Variants in PAK3 observed in about 807,000 individuals in gnomAD.
PAK3 encodes the protein serine/threonine-protein kinase PAK 3.
Under a neutral mutation model 41.0 loss-of-function variants are expected in PAK3, and 4 were observed. The observed-to-expected ratio is 0.10, with a 90% confidence interval of 0.05 to 0.22. PAK3 has a LOEUF of 0.22. Ranked by LOEUF, PAK3 falls within the 10% of genes least tolerant of loss-of-function variation. The pLI is 1.00. For synonymous variants in PAK3, 146 were observed against 139.6 expected (o/e 1.05, Z -0.32); for missense variants, 205 against 409.9 (o/e 0.50, Z 4.32).
intron 1 of PAK3, among the ~76,000 whole-genome samples, chrX:110,966,939 G>T (rs1449656771): frequency 3.6e-5 from 4 of 112,298 alleles, no homozygotes; most frequent in African/African-American, 9.7e-5. Flanking sequence ...CTGCCCCCAA[G>T]AATGCCCTGT....
chrX:111,204,678 C>T (rs1371359361), intron 16 of PAK3, among the ~76,000 whole-genome samples: 2 of 111,067 alleles, frequency 1.8e-5, no homozygotes, highest in African/African-American at 6.5e-5. Flanking sequence ...AAACCCTTTG[C>T]ATTCTAATAA....
chrX:111,182,069 C>T (rs775778232), intron 11 of PAK3, among the ~76,000 whole-genome samples: 6 of 111,733 alleles, frequency 5.4e-5, no homozygotes, highest in Admixed American at 9.5e-5. Flanking sequence ...GATGATGCCA[C>T]TCAATCAAAC....
At chrX:111,056,668 C>A (rs953794475) in intron 1 of PAK3, among the ~76,000 whole-genome samples, 4 of 112,197 alleles carry the variant, frequency 3.6e-5, no homozygotes, top group African/African-American at 1.3e-4. Flanking sequence ...TCTTGAAGAT[C>A]TTGTCATATA....
At chrX:111,076,781 C>G (rs1307996449) in intron 1 of PAK3, among the ~76,000 whole-genome samples, 1 of 112,017 alleles carries the variant, frequency 8.9e-6, no homozygotes, top group African/African-American at 3.3e-5. Context: ...GATGTCCACT[C>G]TTGCCACTTC....
rs1165123722 is a variant in PAK3 at position 111,226,623 on chromosome X, A to G, written c.*6176A>G. The G allele has an allele frequency of 8.9e-6, 1 of 112,258 alleles. No individual in the cohort carries two copies. 9.3% of individuals were successfully genotyped at this position (112,258 alleles called of 1,213,427 possible). ...AATGTTGACAAATTAATTTGTTGGGAACCAAAGATAGCATTTCTGATGACA... is the reference window on the plus strand; with the variant it reads ...AATGTTGACAAATTAATTTGTTGGGGACCAAAGATAGCATTTCTGATGACA... On this transcript the variant is annotated 3_prime_UTR_variant, in exon 18 of 18. Coordinates refer to ENST00000372007, the MANE Select transcript of PAK3 (RefSeq NM_002578.5).
chrX:111,082,942 C>T lies in PAK3; in HGVS notation c.-27-40135C>T, dbSNP rs752142790. ...TGCTTCTTGACACACAATAGATGTT[C>T]GAAAATAAAAGGTTGTTCATTGCAT... On this transcript the variant is annotated intron_variant, in intron 1 of 14. Coordinates refer to the PAK3 transcript ENST00000425146. Among the ~76,000 whole-genome samples, 52 of 111,547 alleles carry T rather than the reference C, an allele frequency of 4.7e-4. 2 individuals are homozygous for T. The highest frequency in any genetic ancestry group is 2.0e-4 in the African/African-American group (6 of 30,700).
At chrX:111,025,335 G>A (rs996530577) in intron 1 of PAK3, among the ~76,000 whole-genome samples, 3 of 110,714 alleles carry the variant, frequency 2.7e-5, no homozygotes, top group Non-Finnish European at 3.8e-5. Context: ...AAATACAAAA[G>A]ATAAATGAAA....
At chrX:111,217,081 A>T in intron 17 of PAK3, 1 of 710,967 alleles carries the variant, frequency 1.4e-6, no homozygotes. Flanking sequence ...AGGGATTAGT[A>T]TACATGATGA....
chrX:110,975,207 A>T (rs2091303087), intron 1 of PAK3, among the ~76,000 whole-genome samples: 1 of 111,625 alleles, frequency 9.0e-6, no homozygotes, highest in East Asian at 2.8e-4. Flanking sequence ...TATTTAGAAA[A>T]CTCCATCATC....
intron 1 of PAK3, among the ~76,000 whole-genome samples, chrX:110,966,353 A>G (rs1010313821): frequency 1.8e-5 from 2 of 110,593 alleles, no homozygotes; most frequent in East Asian, 5.7e-4. Context: ...TACCGCCTCT[A>G]CAGGCCCACT....
At chrX:111,205,680 G>A (rs1176289949) in intron 16 of PAK3, among the ~76,000 whole-genome samples, 1 of 110,863 alleles carries the variant, frequency 9.0e-6, no homozygotes, top group South Asian at 3.9e-4. Context: ...GCTATTGCAG[G>A]GACACAAGGT....
In PAK3 at chrX:111,077,944, A is replaced by G. The variant is rs142940005; in HGVS notation, c.-27-45133A>G. ...AATATCCAAAATGTATAAGAAACTC[A>G]AACAACTCAATAGCAAGAAAACAAA... is the stretch of plus-strand genomic sequence containing the variant. On this transcript the variant is annotated intron_variant, in intron 1 of 14. Coordinates refer to the PAK3 transcript ENST00000425146. Among the ~76,000 whole-genome samples the G allele has an allele frequency of 1.2e-4, 14 of 112,123 alleles. No individual in the cohort carries two copies. The East Asian group carries it at 3.1e-3, about 25-fold the overall frequency.
intron 5 of PAK3, among the ~76,000 whole-genome samples, chrX:111,130,072 C>A (rs1349067249): frequency 1.8e-5 from 2 of 111,775 alleles, no homozygotes; most frequent in African/African-American, 6.5e-5. Flanking sequence ...TTGCATATGT[C>A]AATTGAATGC....
chrX:110,981,108 T>G (rs1257490634), intron 1 of PAK3, among the ~76,000 whole-genome samples: 1 of 111,666 alleles, frequency 9.0e-6, no homozygotes, highest in Non-Finnish European at 1.9e-5. Flanking sequence ...GAATAACATT[T>G]GCTTCTGAGG....
At chrX:111,037,220 C>T (rs1476374817) in intron 1 of PAK3, among the ~76,000 whole-genome samples, 1 of 111,956 alleles carries the variant, frequency 8.9e-6, no homozygotes, top group Non-Finnish European at 1.9e-5. Flanking sequence ...GCTGGGATTA[C>T]AGTCATGAGC....
intron 1 of PAK3, among the ~76,000 whole-genome samples, chrX:111,084,796 A>C (rs761243466): frequency 8.9e-6 from 1 of 112,234 alleles, no homozygotes; most frequent in African/African-American, 3.2e-5. Context: ...CTTTGAAACT[A>C]TCCCTTCGCC....
rs1459478363 is a variant in PAK3, at chrX:111,037,155, A to G, written c.-27-85922A>G. ...GGACAGAGTTTCACCATGTTGGCCA[A>G]GCTGATCTCAAACTGCTGACCTCAA... On this transcript the variant is annotated intron_variant, in intron 1 of 14. Coordinates refer to the PAK3 transcript ENST00000425146. Among the ~76,000 whole-genome samples, 6 of 111,518 alleles carry G rather than the reference A, an allele frequency of 5.4e-5. No homozygotes were observed. In the East Asian group the frequency reaches 1.7e-3, roughly 31 times the overall value.
At chrX:111,038,668 A>T (rs760157126) in intron 1 of PAK3, among the ~76,000 whole-genome samples, 3 of 111,869 alleles carry the variant, frequency 2.7e-5, no homozygotes, top group Non-Finnish European at 3.8e-5. Context: ...AGCTGTGTTG[A>T]CCTTAGGCAA....
chrX:111,101,493 A>G (rs762731103), intron 3 of PAK3, among the ~76,000 whole-genome samples: 7 of 111,914 alleles, frequency 6.3e-5, no homozygotes, highest in Admixed American at 1.9e-4. Context: ...GCTCTAAAAC[A>G]TGGAGGTTCT....
Sources: allele counts gnomAD v4.1 joint callset (sites outside exome capture counted in the v4.1 genomes callset), GRCh38; gene constraint gnomAD v4.1.1; transcripts MANE v1.5; gene names NCBI Gene and HGNC (gene_info 2026-07-23, HGNC 2026-07-21).